The following KIFAP3 variants were observed in gnomAD, a reference collection of about 807,000 sequenced individuals.
KIFAP3 encodes the protein kinesin-associated protein 3.
A neutral mutation model predicts 106.5 loss-of-function variants in KIFAP3; 68 were observed. The ratio of observed to expected loss-of-function variants is 0.64; its 90% CI spans 0.53 to 0.78. The LOEUF (loss-of-function observed/expected upper bound fraction) is 0.78. Among genes scored for constraint, KIFAP3 ranks in the 30% least tolerant of loss-of-function variants. KIFAP3 has a pLI of 0.00. For synonymous variants in KIFAP3, 320 were observed against 311.5 expected, an observed-to-expected ratio of 1.03 and a Z score of -0.29; for missense variants, 780 against 941.8, an observed-to-expected ratio of 0.83 and a Z score of 2.25.
intron 10 of KIFAP3, among the ~76,000 whole-genome samples, chr1:170,004,065 AACAG>A (rs1228544638): frequency 3.3e-5 from 5 of 152,272 alleles, no homozygotes; most frequent in African/African-American, 1.2e-4. Context: ...ATACACCAAT[AACAG>A]ACAGAGAGCC....
chr1:170,019,916 T>C (rs1260819508), intron 9 of KIFAP3, among the ~76,000 whole-genome samples: 4 of 152,202 alleles, frequency 2.6e-5, no homozygotes, highest in Non-Finnish European at 4.4e-5. Context: ...GATAACACAG[T>C]TGTCTACTTA....
Position 169,972,516 on chromosome 1 carries a change from T to G in KIFAP3, c.1980A>C (p.Ile660=). ...TGTAGAAAAAATAATTACTTACCGCTATAATATCTAATGTATTATCACAGA... is the reference window on the plus strand; with the variant it reads ...TGTAGAAAAAATAATTACTTACCGCGATAATATCTAATGTATTATCACAGA... ...RKVCDNTLDI[I]AEYDEEWAKK... The change falls in exon 17 of 20, where the codon ATA becomes ATC. Residue 660 remains isoleucine, a synonymous_variant. Coordinates refer to ENST00000361580, the MANE Select transcript of KIFAP3 (RefSeq NM_014970.4). 1 of 1,354,290 alleles carries G rather than the reference T, an allele frequency of 7.4e-7. No individual in the cohort carries two copies. Among genetic ancestry groups the G allele is most frequent in the Non-Finnish European group, 1.1e-6 (1 of 950,588 alleles). The allele number at this position is 1,354,290 out of a possible 1,614,324, so 83.9% of individuals were successfully genotyped here.
At chr1:170,010,641 C>T (rs1668197292) in intron 10 of KIFAP3, among the ~76,000 whole-genome samples, 1 of 151,792 alleles carries the variant, frequency 6.6e-6, no homozygotes, top group Admixed American at 6.6e-5. Context: ...CAGCAGGGGT[C>T]GCAATGTACT....
At chr1:170,046,950 A>G (rs918243045) in intron 2 of KIFAP3, 84 bp from the exon 3 acceptor site, 87 of 723,000 alleles carry the variant, frequency 1.2e-4, no homozygotes, top group Non-Finnish European at 7.9e-6. Flanking sequence ...TTTATAGATT[A>G]TAAATTATTA....
At chr1:169,970,715 C>A (rs1173730566) in intron 17 of KIFAP3, among the ~76,000 whole-genome samples, 1 of 151,958 alleles carries the variant, frequency 6.6e-6, no homozygotes, top group Non-Finnish European at 1.5e-5. Context: ...AAGCAGGTTT[C>A]TTATAATTTA....
chr1:169,997,939 G>A (rs1005200308), intron 10 of KIFAP3, among the ~76,000 whole-genome samples: 3 of 147,888 alleles, frequency 2.0e-5, no homozygotes, highest in East Asian at 3.9e-4. Flanking sequence ...TTAGGCTTAG[G>A]AGAATCATCT....
chr1:169,973,122 T>TATATATATATATATATATATATATA (rs1337198179), intron 16 of KIFAP3, among the ~76,000 whole-genome samples: 1 of 138,588 alleles, frequency 7.2e-6, no homozygotes, highest in African/African-American at 2.7e-5. Context: ...TATATATATA[T>TATATATATATATATATATATATATA]AAACAACACA....
At chr1:170,008,581 T>C (rs1376986437) in intron 10 of KIFAP3, among the ~76,000 whole-genome samples, 6 of 152,120 alleles carry the variant, frequency 3.9e-5, no homozygotes, top group Admixed American at 3.9e-4. Context: ...TATCATCTTA[T>C]GCCAGTTAGA....
At chr1:169,980,823 C>G (rs951518861) in intron 15 of KIFAP3, among the ~76,000 whole-genome samples, 2 of 152,082 alleles carry the variant, frequency 1.3e-5, no homozygotes, top group Admixed American at 1.3e-4. Context: ...GTGATATAGC[C>G]GGGCACAGTG....
At chr1:169,972,247 C>G (rs1002149991) in intron 17 of KIFAP3, among the ~76,000 whole-genome samples, 1 of 151,854 alleles carries the variant, frequency 6.6e-6, no homozygotes, top group African/African-American at 2.4e-5. Context: ...AATAATTTAT[C>G]CGAAAAACAA....
chr1:169,953,160 G>A (rs1664816043), intron 19 of KIFAP3, among the ~76,000 whole-genome samples: 1 of 151,918 alleles, frequency 6.6e-6, no homozygotes, highest in Non-Finnish European at 1.5e-5. Flanking sequence ...ATACTTTCTG[G>A]CGAGATTTTA....
At chr1:169,973,474 A>G (rs1287622575) in intron 16 of KIFAP3, among the ~76,000 whole-genome samples, 1 of 150,862 alleles carries the variant, frequency 6.6e-6, no homozygotes, top group Non-Finnish European at 1.5e-5. Context: ...TTGCATACTT[A>G]GAAAAATCAA....
intron 12 of KIFAP3, 47 bp downstream of exon 12, chr1:169,984,535 C>A: frequency 2.4e-6 from 2 of 822,602 alleles, no homozygotes; most frequent in Non-Finnish European, 2.0e-6. Context: ...CCATCATATA[C>A]CAAATACCAT....
intron 18 of KIFAP3, 47 bp downstream of exon 18, chr1:169,960,999 C>G (rs369422012): frequency 4.9e-5 from 73 of 1,477,522 alleles, no homozygotes; most frequent in Non-Finnish European, 6.7e-5. Context: ...ACTAAAATCT[C>G]TATTCATAGC....
intron 10 of KIFAP3, among the ~76,000 whole-genome samples, chr1:170,000,665 A>G (rs1369664874): frequency 6.6e-6 from 1 of 152,154 alleles, no homozygotes; most frequent in African/African-American, 2.4e-5. Context: ...TAGAGCATAT[A>G]CTGCAGATAT....
chr1:169,957,752 G>A (rs188655395), intron 18 of KIFAP3, among the ~76,000 whole-genome samples: 41 of 151,968 alleles, frequency 2.7e-4, no homozygotes, highest in Admixed American at 1.1e-3. Context: ...TCAGCCTCCC[G>A]AGTAGCTGGG....
rs60580320 is a variant in KIFAP3, at chr1:170,046,210, CAAA to C, written c.319+499_319+501del. On this transcript the variant is annotated intron_variant, in intron 3 of 19. Coordinates refer to ENST00000361580, the MANE Select transcript of KIFAP3 (RefSeq NM_014970.4). ...CCAGATTAAACCTTTTTCTCTGCTG[CAAA>C]AAAAAAAAAAAAAAAAGGAAACAGA... Among the ~76,000 whole-genome samples, 486 of 56,966 alleles carry C rather than the reference CAAA, an allele frequency of 8.5e-3. 4 individuals are homozygous for C. Among genetic ancestry groups the C allele is most frequent in the African/African-American group, 0.029 (429 of 14,786 alleles). 37.4% of individuals were successfully genotyped at this position (56,966 alleles called of 152,430 possible). A position where few individuals can be genotyped will look rare whatever the true frequency, so the allele number is the denominator to read the frequency against.
intron 10 of KIFAP3, among the ~76,000 whole-genome samples, chr1:170,006,907 T>C (rs1008905974): frequency 9.9e-5 from 15 of 152,246 alleles, no homozygotes; most frequent in African/African-American, 3.6e-4. Context: ...AGCAAAGTAG[T>C]AAGCATAGAT....
At chr1:170,066,952 C>A (rs1348870145) in intron 1 of KIFAP3, among the ~76,000 whole-genome samples, 3 of 152,118 alleles carry the variant, frequency 2.0e-5, no homozygotes, top group Non-Finnish European at 4.4e-5. Context: ...ATTATTTATA[C>A]ATTTATATTC....
Sources: gnomAD v4.1 joint callset for allele counts (sites outside exome capture counted in the v4.1 genomes callset) on GRCh38, gnomAD v4.1.1 for gene constraint, MANE v1.5 for transcripts, NCBI Gene and HGNC (gene_info 2026-07-23, HGNC 2026-07-21) for gene names.